The following ARMH4 variants were observed in gnomAD, a reference collection of about 807,000 sequenced individuals.
ARMH4 encodes armadillo-like helical domain-containing protein 4.
Under a neutral mutation model 61.9 loss-of-function variants are expected in ARMH4, and 49 were observed. The observed-to-expected ratio is 0.79, with a 90% CI of 0.63 to 1.00. The LOEUF (loss-of-function observed/expected upper bound fraction) is 1.00, where lower values mean the gene tolerates loss of function less well. Among genes scored for constraint, ARMH4 ranks in the 50% least tolerant of loss-of-function variants. ARMH4 has a pLI of 0.00. For synonymous variants in ARMH4, 368 were observed against 341.5 expected (o/e 1.08, Z -0.85); for missense variants, 934 against 930.0 (o/e 1.00, Z -0.06).
chr14:58,067,070 A>G (rs1257517764), intron 5 of ARMH4, among the ~76,000 whole-genome samples: 1 of 152,172 alleles, frequency 6.6e-6, no homozygotes, highest in Non-Finnish European at 1.5e-5. Flanking sequence ...TGCGTAGAGG[A>G]ATTGTTGGTG....
At chr14:58,124,037 G>A (rs1886817468) in intron 4 of ARMH4, among the ~76,000 whole-genome samples, 1 of 151,964 alleles carries the variant, frequency 6.6e-6, no homozygotes, top group Non-Finnish European at 1.5e-5. Context: ...AGCCTATACT[G>A]GCTTACCCTC....
chr14:58,096,633 T>C (rs1472304754), intron 5 of ARMH4, 91 bp downstream of exon 5: 3 of 1,431,968 alleles, frequency 2.1e-6, no homozygotes, highest in Non-Finnish European at 2.8e-6. Context: ...CCATTTTTCT[T>C]TACAATAGAT....
intron 5 of ARMH4, among the ~76,000 whole-genome samples, chr14:58,044,944 T>C (rs1594718371): frequency 6.6e-6 from 1 of 152,084 alleles, no homozygotes; most frequent in Non-Finnish European, 1.5e-5. Context: ...ATGGTGATCA[T>C]TAAAAAGCCA....
intron 5 of ARMH4, among the ~76,000 whole-genome samples, chr14:58,067,460 G>A (rs1884740492): frequency 6.6e-6 from 1 of 152,160 alleles, no homozygotes; most frequent in South Asian, 2.1e-4. Flanking sequence ...AGAGACTGGT[G>A]AAAGAAGTGG....
At chr14:58,081,785 C>A (rs1230474770) in intron 5 of ARMH4, among the ~76,000 whole-genome samples, 2 of 152,076 alleles carry the variant, frequency 1.3e-5, no homozygotes, top group Non-Finnish European at 2.9e-5. Flanking sequence ...GGATTACAGG[C>A]GTGAGCCACC....
At chr14:58,049,360 C>T (rs1452150594) in intron 5 of ARMH4, among the ~76,000 whole-genome samples, 1 of 152,050 alleles carries the variant, frequency 6.6e-6, no homozygotes, top group Non-Finnish European at 1.5e-5. Flanking sequence ...TTCTCAATTG[C>T]ACATTATTTT....
At chr14:58,022,606 A>G (rs770497312) in intron 5 of ARMH4, among the ~76,000 whole-genome samples, 2 of 151,732 alleles carry the variant, frequency 1.3e-5, no homozygotes, top group Non-Finnish European at 2.9e-5. Context: ...CACCCTCCCC[A>G]CCTCACTTCC....
chr14:58,074,211 A>G (rs985851740), intron 5 of ARMH4, among the ~76,000 whole-genome samples: 6 of 152,210 alleles, frequency 3.9e-5, no homozygotes, highest in Admixed American at 1.3e-4. Flanking sequence ...CATGCAGCCA[A>G]TTGATTCTCA....
rs144952108 is a variant in ARMH4 at position 58,147,744 on chromosome 14, T to TAG, written c.-57+4330_-57+4331insCT. Among the ~76,000 whole-genome samples the TAG allele has an allele frequency of 8.6e-3, 1,316 of 152,328 alleles. 21 individuals are homozygous for TAG. Among genetic ancestry groups the TAG allele is most frequent in the African/African-American group, 0.03 (1,245 of 41,568 alleles). ...TAATCCTTACAACAACCTAATGAGG[T>TAG]ATACTGTCGTTATTCCACTTTTTAA... On this transcript the variant is annotated intron_variant, in intron 1 of 7. Coordinates refer to ENST00000267485, the MANE Select transcript of ARMH4 (RefSeq NM_001001872.4).
intron 5 of ARMH4, among the ~76,000 whole-genome samples, chr14:58,024,092 AC>A (rs1373228978): frequency 6.6e-6 from 1 of 152,216 alleles, no homozygotes; most frequent in African/African-American, 2.4e-5. Context: ...ACTTAAAGTC[AC>A]CAGTGGCATT....
chr14:58,030,178 T>A (rs552318889), intron 5 of ARMH4, among the ~76,000 whole-genome samples: 1 of 152,094 alleles, frequency 6.6e-6, no homozygotes, highest in African/African-American at 2.4e-5. Context: ...GTGGGTGCCA[T>A]AGAGAGGGGA....
At chr14:58,120,186 T>TG (rs745670263) in intron 4 of ARMH4, among the ~76,000 whole-genome samples, 1 of 152,114 alleles carries the variant, frequency 6.6e-6, no homozygotes, top group Non-Finnish European at 1.5e-5. Flanking sequence ...TGTAACACAA[T>TG]GGTAAGTATT....
rs1882059960 is a variant in ARMH4 at position 58,003,729 on chromosome 14, C to G, written c.*1007G>C. 1 of 152,184 alleles carries G rather than the reference C, an allele frequency of 6.6e-6. No homozygotes were observed. Among genetic ancestry groups the G allele is most frequent in the African/African-American group, 2.4e-5 (1 of 41,446 alleles). 9.4% of individuals were successfully genotyped at this position (152,184 alleles called of 1,614,324 possible). A position where few individuals can be genotyped will look rare whatever the true frequency, so the allele number is the denominator to read the frequency against. Reference sequence around the variant, plus strand: ...GTTCACCAGGACTCTGGCCACTGGGCAGACAAACGATAGAATGTCTATTTT... The same window carrying G: ...GTTCACCAGGACTCTGGCCACTGGGGAGACAAACGATAGAATGTCTATTTT... On this transcript the variant is annotated 3_prime_UTR_variant, in exon 8 of 8. Transcript: ENST00000267485.
chr14:58,084,012 C>T (rs1031010855), intron 5 of ARMH4, among the ~76,000 whole-genome samples: 3 of 152,088 alleles, frequency 2.0e-5, no homozygotes, highest in Admixed American at 6.5e-5. Context: ...TTATTGGTGG[C>T]CCATCATAAA....
At chr14:58,041,781 G>A (rs1490797486) in intron 5 of ARMH4, among the ~76,000 whole-genome samples, 1 of 152,056 alleles carries the variant, frequency 6.6e-6, no homozygotes, top group African/African-American at 2.4e-5. Flanking sequence ...CAAAAAAAGA[G>A]CAGGGGTTGC....
In ARMH4 at chr14:58,138,405, T is replaced by C. The variant is rs78759835; in HGVS notation, c.954A>G (p.Lys318=). The C allele has an allele frequency of 2.6e-4, 413 of 1,614,148 alleles. 2 individuals carry two copies. In the African/African-American group the frequency reaches 4.7e-3, roughly 18 times the overall value. ...TCCTTATCCGGCTTACACTCTCTAATTTGGTGTCATCCCACTCATCACTTA... is the reference window on the plus strand; with the variant it reads ...TCCTTATCCGGCTTACACTCTCTAACTTGGTGTCATCCCACTCATCACTTA... The part of the protein sequence containing the change: ...SALSDEWDDT[K]LESVSRIRTP... Residue 318 remains lysine (K), a synonymous_variant, in exon 2 of 8, where the codon AAA becomes AAG. Transcript: ENST00000267485.
intron 4 of ARMH4, among the ~76,000 whole-genome samples, chr14:58,127,728 A>G (rs1886950875): frequency 6.6e-6 from 1 of 152,154 alleles, no homozygotes; most frequent in South Asian, 2.1e-4. Context: ...AGTCCAAGCA[A>G]ATTCAGTGTT....
intron 5 of ARMH4, among the ~76,000 whole-genome samples, chr14:58,090,910 GAAAA>G (rs1566575364): frequency 1.4e-5 from 2 of 145,634 alleles, no homozygotes; most frequent in Non-Finnish European, 3.0e-5. Flanking sequence ...GAAAAGAAAA[GAAAA>G]AAAAGAAAGA....
Position 58,120,808 on chromosome 14 carries a change from C to T in ARMH4, c.1831+10704G>A, listed in dbSNP as rs992266296. On this transcript the variant is annotated intron_variant, in intron 4 of 7. Transcript: ENST00000267485. ...GGTCAGGAAGAAAAAGATCTAGCTTCGTTAATGGAGATTCTTTACAGAAGC... is the reference window on the plus strand; with the variant it reads ...GGTCAGGAAGAAAAAGATCTAGCTTTGTTAATGGAGATTCTTTACAGAAGC... 5.9e-5 allele frequency among the ~76,000 whole-genome samples: 9 copies of T among 152,248 alleles called. No homozygotes were observed. The East Asian group carries it at 1.5e-3, about 26-fold the overall frequency.
Sources: gnomAD v4.1 joint callset for allele counts (sites outside exome capture counted in the v4.1 genomes callset) on GRCh38, gnomAD v4.1.1 for gene constraint, MANE v1.5 for transcripts, NCBI Gene and HGNC (gene_info 2026-07-23, HGNC 2026-07-21) for gene names.